Variants in IRF2 observed in about 807,000 individuals in gnomAD.
IRF2 encodes the protein interferon regulatory factor 2.
Under a neutral mutation model 40.6 loss-of-function variants are expected in IRF2, and 15 were observed. That is an observed-to-expected ratio of 0.37 (90% confidence interval 0.25 to 0.57). The LOEUF (loss-of-function observed/expected upper bound fraction) is 0.57. IRF2 is among the 20% of genes least tolerant of loss of function. The probability of loss-of-function intolerance (pLI) is 0.77; values close to 1 mark genes in which losing one functional copy is unlikely to be tolerated. For missense variants in IRF2, 317 were observed against 455.7 expected, an observed-to-expected ratio of 0.70 and a Z score of 2.77; for synonymous variants, 151 against 165.5, an observed-to-expected ratio of 0.91 and a Z score of 0.67.
At chr4:184,410,305 A>G (rs1027046792) in intron 5 of IRF2, among the ~76,000 whole-genome samples, 3 of 152,256 alleles carry the variant, frequency 2.0e-5, no homozygotes, top group African/African-American at 7.2e-5. Context: ...AAATGAGCTA[A>G]CTACGTACAT....
intron 1 of IRF2, among the ~76,000 whole-genome samples, chr4:184,450,369 C>T (rs757917328): frequency 5.3e-5 from 8 of 152,170 alleles, no homozygotes; most frequent in Non-Finnish European, 1.0e-4. Context: ...TTATTGTTAT[C>T]ACGCTACACG....
intron 1 of IRF2, chr4:184,432,062 A>G (rs1008948976): frequency 2.6e-5 from 4 of 152,224 alleles, no homozygotes; most frequent in African/African-American, 9.6e-5. Flanking sequence ...TGAAAAAGTC[A>G]ATTGTCAGGT....
intron 4 of IRF2, 48 bp downstream of exon 4, chr4:184,418,484 C>T (rs373871809): frequency 1.2e-5 from 18 of 1,546,964 alleles, no homozygotes; most frequent in South Asian, 3.4e-5. Context: ...CACGAAGGCA[C>T]GATGACACAA....
At chr4:184,414,550 C>T (rs944796747) in intron 5 of IRF2, among the ~76,000 whole-genome samples, 2 of 152,246 alleles carry the variant, frequency 1.3e-5, no homozygotes, top group East Asian at 1.9e-4. Flanking sequence ...TACCGCCGCA[C>T]AGGTGGGGCT....
chr4:184,443,769 GT>G (rs1382463504), intron 1 of IRF2, among the ~76,000 whole-genome samples: 1 of 152,082 alleles, frequency 6.6e-6, no homozygotes, highest in Middle Eastern at 3.2e-3. Context: ...TCTATTTTTA[GT>G]TCTTTGAGAA....
Position 184,407,200 on chromosome 4 carries a change from G to T in IRF2, c.529+958C>A, listed in dbSNP as rs769066509. ...TAACCTCGGCAAGAGGCCAGCGGAG[G>T]CCTGTCAGGACAATTCAGCATGCTG... On this transcript the variant is annotated intron_variant, in intron 6 of 8. Coordinates refer to ENST00000393593, the MANE Select transcript of IRF2 (RefSeq NM_002199.4). The T allele has an allele frequency of 3.1e-6, 4 of 1,289,414 alleles. No individual in the cohort carries two copies. The South Asian group carries it at 4.9e-5, about 16-fold the overall frequency. 79.9% of individuals were successfully genotyped at this position (1,289,414 alleles called of 1,614,324 possible).
intron 2 of IRF2, among the ~76,000 whole-genome samples, chr4:184,428,005 T>C (rs1156856888): frequency 6.6e-6 from 1 of 152,230 alleles, no homozygotes; most frequent in East Asian, 1.9e-4. Context: ...TATATTTAGT[T>C]GCTTTTCTAG....
intron 1 of IRF2, among the ~76,000 whole-genome samples, chr4:184,439,407 T>C (rs1738214321): frequency 6.6e-6 from 1 of 151,952 alleles, no homozygotes; most frequent in South Asian, 2.1e-4. Context: ...GGAATTTTTT[T>C]TATTATCCTA....
intron 2 of IRF2, among the ~76,000 whole-genome samples, chr4:184,420,166 C>T (rs755877001): frequency 8.5e-5 from 13 of 152,342 alleles, no homozygotes; most frequent in South Asian, 6.2e-4. Flanking sequence ...CCACACCCGG[C>T]CCTGTGCCTC....
chr4:184,422,382 TCAAG>T (rs1235349493), intron 2 of IRF2, among the ~76,000 whole-genome samples: 2 of 152,190 alleles, frequency 1.3e-5, no homozygotes, highest in Non-Finnish European at 2.9e-5. Flanking sequence ...TGGCCATTCC[TCAAG>T]AAAGTGAAAC....
intron 2 of IRF2, among the ~76,000 whole-genome samples, chr4:184,421,763 A>G (rs1448836854): frequency 2.0e-5 from 3 of 152,228 alleles, no homozygotes; most frequent in Non-Finnish European, 4.4e-5. Context: ...CTAGTCCCAC[A>G]GAAACCGCAA....
At position 184,454,124 on chromosome 4, in the gene IRF2, C is replaced by T. The variant is rs145196147; in HGVS notation, c.-7+20255G>A. ...GTTGATTTGAAGGGCACTATCTTTT[C>T]CCCTGGATGAGAGTAAATGATTTCC... On this transcript the variant is annotated intron_variant, in intron 1 of 8. Coordinates refer to ENST00000393593, the MANE Select transcript of IRF2 (RefSeq NM_002199.4). 7.9e-3 allele frequency among the ~76,000 whole-genome samples: 1,202 copies of T among 152,282 alleles called. 13 individuals are homozygous for T. Among genetic ancestry groups the T allele is most frequent in the Non-Finnish European group, 9.8e-3 (669 of 68,018 alleles).
At chr4:184,454,353 A>G (rs963594924) in intron 1 of IRF2, among the ~76,000 whole-genome samples, 2 of 152,188 alleles carry the variant, frequency 1.3e-5, no homozygotes, top group East Asian at 3.8e-4. Context: ...TCCAGCACAC[A>G]AACTATAAAC....
chr4:184,440,140 G>A (rs1292738895), intron 1 of IRF2, among the ~76,000 whole-genome samples: 1 of 152,180 alleles, frequency 6.6e-6, no homozygotes, highest in East Asian at 1.9e-4. Context: ...ACTTTCCCTG[G>A]CTCAGTAGCC....
intron 1 of IRF2, among the ~76,000 whole-genome samples, chr4:184,457,423 G>A (rs1738985147): frequency 6.6e-6 from 1 of 152,142 alleles, no homozygotes; most frequent in South Asian, 2.1e-4. Flanking sequence ...CCTAACTTCT[G>A]CCCTATGAAG....
intron 2 of IRF2, among the ~76,000 whole-genome samples, chr4:184,424,765 T>C (rs1368076548): frequency 6.6e-6 from 1 of 152,152 alleles, no homozygotes; most frequent in Non-Finnish European, 1.5e-5. Context: ...ACTAAGACAA[T>C]AGAGGATGGA....
intron 1 of IRF2, among the ~76,000 whole-genome samples, chr4:184,473,269 G>A (rs1739586313): frequency 6.7e-6 from 1 of 149,960 alleles, no homozygotes. Context: ...CCGCGCCCCG[G>A]GACCCCGAGG....
intron 2 of IRF2, among the ~76,000 whole-genome samples, chr4:184,423,996 A>T (rs1164480945): frequency 3.9e-5 from 6 of 152,204 alleles, no homozygotes; most frequent in Non-Finnish European, 7.3e-5. Context: ...GATATATAAG[A>T]AAATGCCCTT....
intron 6 of IRF2, among the ~76,000 whole-genome samples, chr4:184,406,232 CTTTT>C (rs11309106): frequency 3.0e-5 from 4 of 134,412 alleles, no homozygotes; most frequent in Admixed American, 7.4e-5. Context: ...TACTTTTTAT[CTTTT>C]TTTTTTTTTT....
Sources: gnomAD v4.1 joint callset for allele counts (sites outside exome capture counted in the v4.1 genomes callset) on GRCh38, gnomAD v4.1.1 for gene constraint, MANE v1.5 for transcripts, NCBI Gene and HGNC (gene_info 2026-07-23, HGNC 2026-07-21) for gene names.